The following HMX2 variants were observed in gnomAD, a reference collection of about 807,000 sequenced individuals.
HMX2 encodes homeobox protein HMX2.
Under a neutral mutation model 21.2 loss-of-function variants are expected in HMX2, and 15 were observed. That is an observed-to-expected ratio of 0.71 (90% CI 0.47 to 1.09). HMX2 has a LOEUF of 1.09. Among genes scored for constraint, HMX2 ranks in the 50% least tolerant of loss-of-function variants. The pLI is 0.00. For synonymous variants in HMX2, 193 were observed against 181.0 expected, an observed-to-expected ratio of 1.07 and a Z score of -0.53; for missense variants, 440 against 381.5, an observed-to-expected ratio of 1.15 and a Z score of -1.28.
At position 123,148,232 on chromosome 10, in the gene HMX2, ACGC is replaced by A. The variant is rs989054054; in HGVS notation, c.-145_-143del. The A allele has an allele frequency of 2.5e-6, 2 of 816,126 alleles. No homozygotes were observed. Among genetic ancestry groups the A allele is most frequent in the African/African-American group, 3.6e-5 (2 of 56,100 alleles). 50.6% of individuals were successfully genotyped at this position (816,126 alleles called of 1,614,324 possible). A position where few individuals can be genotyped will look rare whatever the true frequency, so the allele number is the denominator to read the frequency against. On this transcript the variant is annotated 5_prime_UTR_variant, in exon 1 of 2. Coordinates refer to ENST00000339992, the MANE Select transcript of HMX2 (RefSeq NM_005519.2). ...CCTGCATGTCCCTGGCGCGGAAGGGACGCCTCACCAGCCTCGGCGCCCCCTCCC... is the reference window on the plus strand; with the variant it reads ...CCTGCATGTCCCTGGCGCGGAAGGGACTCACCAGCCTCGGCGCCCCCTCCC...
In HMX2 at chr10:123,148,592, G is replaced by C; in HGVS notation, c.214G>C (p.Gly72Arg). 1.9e-6 allele frequency: 3 copies of C among 1,612,942 alleles called. No individual in the cohort carries two copies. Among genetic ancestry groups the C allele is most frequent in the South Asian group, 1.1e-5 (1 of 90,778 alleles). ...CGCCTGCTTCTGCCCAGACCAGCACGGCCCTAAGGAGCAGGGCCCCAAGCA... is the reference window on the plus strand; with the variant it reads ...CGCCTGCTTCTGCCCAGACCAGCACCGCCCTAAGGAGCAGGGCCCCAAGCA... Reference protein sequence around the residue: ...APACFCPDQHGPKEQGPKHHP... With the variant: ...APACFCPDQHRPKEQGPKHHP... The change falls in exon 1 of 2, where the codon GGC (glycine) becomes CGC (arginine). Residue 72 changes from glycine (G) to arginine (R), a missense_variant. Coordinates refer to ENST00000339992, the MANE Select transcript of HMX2 (RefSeq NM_005519.2).
chr10:123,149,690 C>T lies in HMX2; in HGVS notation c.389C>T (p.Ser130Leu), dbSNP rs1345214087. ...KERLLPAGSP[S>L]PGSERPRDGG... ...AGGCTCCTGCCCGCGGGCTCGCCCT[C>T]GCCGGGGTCCGAGCGGCCGCGGGAC... is the stretch of plus-strand genomic sequence containing the variant. The change falls in exon 2 of 2, where the codon TCG becomes TTG. Residue 130 changes from serine (S) to leucine (L), a missense_variant. By Grantham distance (145) the Ser-to-Leu change is moderately radical. Transcript: ENST00000339992. This position sits in a 1 kb window ranked among gnomAD's most constrained non-coding sequence, Gnocchi z 5.4. The T allele has an allele frequency of 6.4e-7, 1 of 1,567,848 alleles. No homozygotes were observed. The highest frequency in any genetic ancestry group is 1.2e-5 in the South Asian group (1 of 85,520).
Position 123,150,638 on chromosome 10 carries a change from T to A in HMX2, c.*515T>A, listed in dbSNP as rs1238661489. The A allele has an allele frequency of 1.3e-5, 2 of 151,850 alleles. No individual in the cohort carries two copies. Among genetic ancestry groups the A allele is most frequent in the African/African-American group, 4.8e-5 (2 of 41,422 alleles). The allele number at this position is 151,850 out of a possible 1,614,324, so 9.4% of individuals were successfully genotyped here. ...GGAGAGTTCAGATCTGTAAATATTT[T>A]TAAAAAGAAAAAAAAATAAAACATT... On this transcript the variant is annotated 3_prime_UTR_variant, in exon 2 of 2. Coordinates refer to ENST00000339992, the MANE Select transcript of HMX2 (RefSeq NM_005519.2). This position sits in a 1 kb window ranked among gnomAD's most constrained non-coding sequence, Gnocchi z 4.2.
Position 123,148,289 on chromosome 10 carries a change from T to A in HMX2, c.-90T>A. Reference sequence around the variant, plus strand: ...AGATTTCCTCCCCGCCCCTCCCCACTGCCTGCCTGCTGCACCACCTTCCAC... The same window carrying A: ...AGATTTCCTCCCCGCCCCTCCCCACAGCCTGCCTGCTGCACCACCTTCCAC... On this transcript the variant is annotated 5_prime_UTR_variant, in exon 1 of 2. Transcript: ENST00000339992. 247 of 693,956 alleles carry A rather than the reference T, an allele frequency of 3.6e-4. No homozygotes were observed. Among genetic ancestry groups the A allele is most frequent in the East Asian group, 7.2e-4 (13 of 18,066 alleles). The allele number at this position is 693,956 out of a possible 1,614,324, so 43.0% of individuals were successfully genotyped here.
At position 123,149,999 on chromosome 10, in the gene HMX2, G is replaced by A; in HGVS notation, c.698G>A (p.Arg233Gln). ...CTGGTGAGCATGCCGCTGGTGTTCC[G>A]GGACAGTTCGCTGCTGCGCGTGCCG... ...QTLVSMPLVF[R>Q]DSSLLRVPVP... Residue 233 changes from arginine (R) to glutamine (Q), a missense_variant, in exon 2 of 2, where the codon CGG becomes CAG. Coordinates refer to ENST00000339992, the MANE Select transcript of HMX2 (RefSeq NM_005519.2). The surrounding 1 kb of genome is among the most constrained non-coding windows in gnomAD (Gnocchi z 5.4). 1 of 1,610,436 alleles carries A rather than the reference G, an allele frequency of 6.2e-7. No individual in the cohort carries two copies. The highest frequency in any genetic ancestry group is 8.5e-7 in the Non-Finnish European group (1 of 1,179,130).
In HMX2 at chr10:123,150,138, C is replaced by T. The variant is rs113030328; in HGVS notation, c.*15C>T. 10,924 of 1,510,894 alleles carry T rather than the reference C, an allele frequency of 7.2e-3. 53 individuals are homozygous for T. Among genetic ancestry groups the T allele is most frequent in the Non-Finnish European group, 9.0e-3 (10,114 of 1,129,608 alleles). The allele number at this position is 1,510,894 out of a possible 1,614,324, so 93.6% of individuals were successfully genotyped here. ...TCGACTACTGACCGGCCCGCCGCCC[C>T]GCGCCGCCCCCAGCTGCCCGCAGAG... On this transcript the variant is annotated 3_prime_UTR_variant, in exon 2 of 2. Coordinates refer to ENST00000339992, the MANE Select transcript of HMX2 (RefSeq NM_005519.2). This position sits in a 1 kb window ranked among gnomAD's most constrained non-coding sequence, Gnocchi z 4.2.
Position 123,148,266 on chromosome 10 carries a change from A to G in HMX2, c.-113A>G. 1.2e-6 allele frequency: 1 copy of G among 845,558 alleles called. No individual in the cohort carries two copies. Among genetic ancestry groups the G allele is most frequent in the Non-Finnish European group, 1.9e-6 (1 of 540,242 alleles). 52.4% of individuals were successfully genotyped at this position (845,558 alleles called of 1,614,324 possible). A position where few individuals can be genotyped will look rare whatever the true frequency, so the allele number is the denominator to read the frequency against. The stretch of plus-strand genomic sequence containing the variant: ...CAGCCTCGGCGCCCCCTCCCCCTAG[A>G]TTTCCTCCCCGCCCCTCCCCACTGC... On this transcript the variant is annotated 5_prime_UTR_variant, in exon 1 of 2. Transcript: ENST00000339992.
chr10:123,148,681 G>A, intron 1 of HMX2, 35 bp downstream of exon 1: 3 of 1,586,352 alleles, frequency 1.9e-6, no homozygotes, highest in East Asian at 2.3e-5. Flanking sequence ...GGCAGCGAGC[G>A]AGCGCGAGGG....
intron 1 of HMX2, 51 bp downstream of exon 1, chr10:123,148,697 A>G: frequency 6.3e-7 from 1 of 1,574,862 alleles, no homozygotes; most frequent in Non-Finnish European, 8.6e-7. Flanking sequence ...GAGGGGAGGG[A>G]GGCTGAGCGC....
Position 123,150,150 on chromosome 10 carries a change from A to T in HMX2, c.*27A>T. On this transcript the variant is annotated 3_prime_UTR_variant, in exon 2 of 2. Coordinates refer to ENST00000339992, the MANE Select transcript of HMX2 (RefSeq NM_005519.2). The surrounding 1 kb of genome is among the most constrained non-coding windows in gnomAD (Gnocchi z 4.2). Reference sequence around the variant, plus strand: ...CGGCCCGCCGCCCCGCGCCGCCCCCAGCTGCCCGCAGAGCCGGGCGCGTAC... The same window carrying T: ...CGGCCCGCCGCCCCGCGCCGCCCCCTGCTGCCCGCAGAGCCGGGCGCGTAC... 1 of 1,498,880 alleles carries T rather than the reference A, an allele frequency of 6.7e-7. No homozygotes were observed. The highest frequency in any genetic ancestry group is 1.3e-5 in the South Asian group (1 of 78,522). 92.8% of individuals were successfully genotyped at this position (1,498,880 alleles called of 1,614,324 possible).
At position 123,148,786 on chromosome 10, in the gene HMX2, G is replaced by A. The variant is rs1005644373; in HGVS notation, c.268+140G>A. 8.4e-6 allele frequency: 9 copies of A among 1,072,526 alleles called. No homozygotes were observed. The African/African-American group carries it at 1.5e-4, about 18-fold the overall frequency. 66.4% of individuals were successfully genotyped at this position (1,072,526 alleles called of 1,614,324 possible). On this transcript the variant is annotated intron_variant, in intron 1 of 1. Coordinates refer to ENST00000339992, the MANE Select transcript of HMX2 (RefSeq NM_005519.2). ...GGTTCGGGACCGCGGGGAGAGGGGC[G>A]CGCACTGTGGTGCCTCCTCCGCCCG...
At position 123,149,238 on chromosome 10, in the gene HMX2, C is replaced by T. The variant is rs921497532; in HGVS notation, c.269-332C>T. On this transcript the variant is annotated intron_variant, in intron 1 of 1. Transcript: ENST00000339992. This position sits in a 1 kb window ranked among gnomAD's most constrained non-coding sequence, Gnocchi z 5.4. ...ATGCCACCCTATAAAGCTCGAGGAA[C>T]TCTTCCAGCTCAATTACCACCAAGC... Among the ~76,000 whole-genome samples the T allele has an allele frequency of 2.6e-5, 4 of 152,208 alleles. No homozygotes were observed. The highest frequency in any genetic ancestry group is 5.9e-5 in the Non-Finnish European group (4 of 68,040).
rs1844242089 is a variant in HMX2 at position 123,149,405 on chromosome 10, G to A, written c.269-165G>A. 6.6e-6 allele frequency among the ~76,000 whole-genome samples: 1 copy of A among 152,168 alleles called. No homozygotes were observed. The highest frequency in any genetic ancestry group is 6.5e-5 in the Admixed American group (1 of 15,284). The stretch of plus-strand genomic sequence containing the variant: ...CCCTCTCTTGTCGCTTTTAAAGGAC[G>A]GGGTGCTGGGTTTGGGGGGCCAGTG... On this transcript the variant is annotated intron_variant, in intron 1 of 1. Coordinates refer to ENST00000339992, the MANE Select transcript of HMX2 (RefSeq NM_005519.2). The surrounding 1 kb of genome is among the most constrained non-coding windows in gnomAD (Gnocchi z 5.4).
rs1184495767 is a variant in HMX2, at chr10:123,149,990, T to A, written c.689T>A (p.Leu230Gln). The change falls in exon 2 of 2, where the codon CTG becomes CAG. Residue 230 changes from leucine to glutamine, a missense_variant. Leu to Gln is a moderately radical substitution (Grantham distance 113). Coordinates refer to ENST00000339992, the MANE Select transcript of HMX2 (RefSeq NM_005519.2). This position sits in a 1 kb window ranked among gnomAD's most constrained non-coding sequence, Gnocchi z 5.4. Reference protein sequence around the residue: ...ASAQTLVSMPLVFRDSSLLRV... With the variant: ...ASAQTLVSMPQVFRDSSLLRV... ...GCGCAGACTCTGGTGAGCATGCCGC[T>A]GGTGTTCCGGGACAGTTCGCTGCTG... is the stretch of plus-strand genomic sequence containing the variant. The A allele has an allele frequency of 6.2e-7, 1 of 1,611,150 alleles. No individual in the cohort carries two copies. The highest frequency in any genetic ancestry group is 1.3e-5 in the African/African-American group (1 of 74,920).
Position 123,148,319 on chromosome 10 carries a change from A to G in HMX2, c.-60A>G. 1 of 1,587,662 alleles carries G rather than the reference A, an allele frequency of 6.3e-7. No individual in the cohort carries two copies. The highest frequency in any genetic ancestry group is 1.7e-4 in the Middle Eastern group (1 of 5,972). ...GCCTGCTGCACCACCTTCCACCCAG[A>G]TCACCCAGATCGTCTCTAAAGGGAG... On this transcript the variant is annotated 5_prime_UTR_variant, in exon 1 of 2. Transcript: ENST00000339992.
rs754917316 is a variant in HMX2, at chr10:123,149,576, C to G, written c.275C>G (p.Pro92Arg). 3.4e-6 allele frequency: 5 copies of G among 1,451,758 alleles called. No individual in the cohort carries two copies. Among genetic ancestry groups the G allele is most frequent in the East Asian group, 2.6e-5 (1 of 38,356 alleles). 89.9% of individuals were successfully genotyped at this position (1,451,758 alleles called of 1,614,324 possible). ...GTCTGTTCTCGCTCCTCAGGTACCC[C>G]CAAGGGCAGCGGAGGCTCGGGCCCG... is the stretch of plus-strand genomic sequence containing the variant. The part of the protein sequence containing the change: ...PPIPFPCLGT[P>R]KGSGGSGPGG... Residue 92 changes from proline to arginine, a missense_variant, in exon 2 of 2, where the codon CCC becomes CGC. Coordinates refer to ENST00000339992, the MANE Select transcript of HMX2 (RefSeq NM_005519.2). The surrounding 1 kb of genome is among the most constrained non-coding windows in gnomAD (Gnocchi z 5.4).
Position 123,149,470 on chromosome 10 carries a change from G to A in HMX2, c.269-100G>A. On this transcript the variant is annotated intron_variant, in intron 1 of 1. Coordinates refer to ENST00000339992, the MANE Select transcript of HMX2 (RefSeq NM_005519.2). This position sits in a 1 kb window ranked among gnomAD's most constrained non-coding sequence, Gnocchi z 5.4. ...AGGGGATTGGTAAGGTGGGACCAAG[G>A]CTGCAGGCGCTTGCCAACCGCTTGG... The A allele has an allele frequency of 1.0e-6, 1 of 985,488 alleles. No individual in the cohort carries two copies. Among genetic ancestry groups the A allele is most frequent in the South Asian group, 2.8e-5 (1 of 36,342 alleles). 61.0% of individuals were successfully genotyped at this position (985,488 alleles called of 1,614,324 possible). A position where few individuals can be genotyped will look rare whatever the true frequency, so the allele number is the denominator to read the frequency against.
rs763880228 is a variant in HMX2, at chr10:123,148,507, G to A, written c.129G>A (p.Arg43=). The stretch of plus-strand genomic sequence containing the variant: ...GGGAGCCCGTCGGCTGGCCAGCCAG[G>A]AAGCGCAGCCTGTCCGTGTCCTCGG... ...APREPVGWPA[R]KRSLSVSSEE... Residue 43 remains arginine (R), a synonymous_variant, in exon 1 of 2, where the codon AGG becomes AGA. Coordinates refer to ENST00000339992, the MANE Select transcript of HMX2 (RefSeq NM_005519.2). 6.2e-7 allele frequency: 1 copy of A among 1,612,792 alleles called. No individual in the cohort carries two copies. Among genetic ancestry groups the A allele is most frequent in the Non-Finnish European group, 8.5e-7 (1 of 1,179,506 alleles).
Position 123,149,181 on chromosome 10 carries a change from G to A in HMX2, c.269-389G>A, listed in dbSNP as rs1257137277. Among the ~76,000 whole-genome samples the A allele has an allele frequency of 6.6e-6, 1 of 152,190 alleles. No homozygotes were observed. The highest frequency in any genetic ancestry group is 1.5e-5 in the Non-Finnish European group (1 of 68,046). On this transcript the variant is annotated intron_variant, in intron 1 of 1. Coordinates refer to ENST00000339992, the MANE Select transcript of HMX2 (RefSeq NM_005519.2). This position sits in a 1 kb window ranked among gnomAD's most constrained non-coding sequence, Gnocchi z 5.4. ...AAGGGGAGTCCTGCGTTAGTCCTTA[G>A]CGTGATTTCCAAACAAACGGCCTGT...
Sources: allele counts gnomAD v4.1 joint callset (sites outside exome capture counted in the v4.1 genomes callset), GRCh38; gene constraint gnomAD v4.1.1; non-coding constraint Gnocchi (gnomAD v3.1); transcripts MANE v1.5; gene names NCBI Gene and HGNC (gene_info 2026-07-23, HGNC 2026-07-21).